ATRNL1: variants seen among roughly 807,000 people sequenced by gnomAD.
ATRNL1 encodes attractin like 1, also known as attractin-like protein 1.
Under a neutral mutation model 182.7 loss-of-function variants are expected in ATRNL1, and 95 were observed. The observed-to-expected ratio is 0.52, with a 90% CI of 0.44 to 0.62. The LOEUF (loss-of-function observed/expected upper bound fraction) is 0.62, where lower values mean the gene tolerates loss of function less well. Among genes scored for constraint, ATRNL1 ranks in the 20% least tolerant of loss-of-function variants. The pLI is 0.00. For synonymous variants in ATRNL1, 576 were observed against 568.3 expected (o/e 1.01, Z -0.19); for missense variants, 1,471 against 1,679.5 (o/e 0.88, Z 2.17).
At chr10:115,128,996 A>ACAAT (rs1263690628) in intron 4 of ATRNL1, among the ~76,000 whole-genome samples, 3 of 152,174 alleles carry the variant, frequency 2.0e-5, no homozygotes, top group African/African-American at 7.2e-5. Context: ...TGTAAAATAT[A>ACAAT]CAATCAAAAC....
At chr10:115,587,948 GA>G (rs1332834530) in intron 26 of ATRNL1, among the ~76,000 whole-genome samples, 2 of 151,750 alleles carry the variant, frequency 1.3e-5, no homozygotes, top group Non-Finnish European at 2.9e-5. Flanking sequence ...CAAATTAAAT[GA>G]AAAAAAGGAG....
intron 20 of ATRNL1, among the ~76,000 whole-genome samples, chr10:115,420,868 C>T (rs569818070): frequency 2.0e-3 from 299 of 152,042 alleles, no homozygotes; most frequent in African/African-American, 6.8e-3. Flanking sequence ...AAGGAGACAT[C>T]GCAACTGATA....
At chr10:115,519,076 C>T (rs1169287667) in intron 24 of ATRNL1, among the ~76,000 whole-genome samples, 187 bp from the exon 25 acceptor site, 1 of 151,804 alleles carries the variant, frequency 6.6e-6, no homozygotes, top group African/African-American at 2.4e-5. Flanking sequence ...ACACTATGAC[C>T]ATCATTAGCA....
intron 1 of ATRNL1, among the ~76,000 whole-genome samples, chr10:115,111,485 A>G (rs1844254228): frequency 6.6e-6 from 1 of 152,202 alleles, no homozygotes; most frequent in African/African-American, 2.4e-5. Flanking sequence ...GCGTCTACTC[A>G]TGGCAGAAGG....
chr10:115,484,548 A>G (rs1432647372), intron 24 of ATRNL1, among the ~76,000 whole-genome samples: 4 of 151,632 alleles, frequency 2.6e-5, no homozygotes, highest in Admixed American at 2.0e-4. Context: ...TACAATTTTT[A>G]AGGGTCATCT....
intron 21 of ATRNL1, among the ~76,000 whole-genome samples, chr10:115,453,484 T>G (rs2134495164): frequency 6.6e-6 from 1 of 152,248 alleles, no homozygotes; most frequent in Admixed American, 6.6e-5. Flanking sequence ...CCATTTTCTT[T>G]TGTTGATTGT....
intron 27 of ATRNL1, among the ~76,000 whole-genome samples, chr10:115,738,131 T>TTTTTGTTTTTTTTG (rs1948019014): frequency 2.3e-5 from 1 of 44,126 alleles, no homozygotes; most frequent in African/African-American, 7.7e-5. Context: ...TAATGATTTT[T>TTTTTGTTTTTTTTG]TTTTTTTTTT....
At chr10:115,538,477 T>A (rs1192609168) in intron 25 of ATRNL1, among the ~76,000 whole-genome samples, 1 of 152,234 alleles carries the variant, frequency 6.6e-6, no homozygotes. Flanking sequence ...ATGTGCTTAT[T>A]AGTTATACTT....
intron 26 of ATRNL1, among the ~76,000 whole-genome samples, chr10:115,646,923 C>A (rs533662448): frequency 1.2e-3 from 183 of 149,418 alleles, no homozygotes; most frequent in African/African-American, 4.2e-3. Flanking sequence ...AGGTATATCT[C>A]CTAATGCTAG....
chr10:115,252,540 G>A (rs1435679380), intron 10 of ATRNL1, among the ~76,000 whole-genome samples: 8 of 152,196 alleles, frequency 5.3e-5, no homozygotes, highest in Non-Finnish European at 8.8e-5. Context: ...TGTCTTTTAG[G>A]AAGGTAGGAT....
At chr10:115,738,856 G>T (rs2804172) in intron 27 of ATRNL1, among the ~76,000 whole-genome samples, 144,605 of 152,160 alleles carry the variant, frequency 0.95, 69,123 homozygotes, top group East Asian at 1. Context: ...TTTGTTTACA[G>T]TTTAAATAAA....
intron 24 of ATRNL1, among the ~76,000 whole-genome samples, chr10:115,507,502 G>A (rs527849611): frequency 6.6e-6 from 1 of 152,066 alleles, no homozygotes; most frequent in Non-Finnish European, 1.5e-5. Context: ...GTGACTAATT[G>A]TTGTTAGGAA....
At chr10:115,799,957 G>T (rs547517741) in intron 27 of ATRNL1, among the ~76,000 whole-genome samples, 2 of 151,902 alleles carry the variant, frequency 1.3e-5, no homozygotes, top group Non-Finnish European at 2.9e-5. Flanking sequence ...ATGGTGGCTC[G>T]CACCTATAAT....
chr10:115,917,703 T>C (rs1952915164), intron 28 of ATRNL1, among the ~76,000 whole-genome samples: 1 of 152,184 alleles, frequency 6.6e-6, no homozygotes, highest in South Asian at 2.1e-4. Flanking sequence ...TGTTTACTTT[T>C]CTCAGATATT....
At chr10:115,723,519 A>G (rs1353510184) in intron 26 of ATRNL1, among the ~76,000 whole-genome samples, 2 of 121,374 alleles carry the variant, frequency 1.6e-5, no homozygotes, top group African/African-American at 5.6e-5. Flanking sequence ...TTAAGCGTAG[A>G]TATTCTTTTC....
intron 19 of ATRNL1, among the ~76,000 whole-genome samples, chr10:115,368,716 AT>A (rs557325461): frequency 0.03 from 4,096 of 137,938 alleles, 116 homozygotes; most frequent in African/African-American, 0.081. Context: ...ATTCGATTCT[AT>A]TTTTTTTTTT....
At chr10:115,666,975 A>G (rs1172762504) in intron 26 of ATRNL1, among the ~76,000 whole-genome samples, 1 of 152,166 alleles carries the variant, frequency 6.6e-6, no homozygotes, top group African/African-American at 2.4e-5. Context: ...ATTTTGAGCA[A>G]TATCTCAAAT....
At chr10:115,666,878 C>A (rs915890596) in intron 26 of ATRNL1, among the ~76,000 whole-genome samples, 2 of 151,312 alleles carry the variant, frequency 1.3e-5, no homozygotes, top group African/African-American at 4.9e-5. Flanking sequence ...ATACTTAAAT[C>A]CACTTTTAAA....
chr10:115,225,601 A>C (rs1185880165), intron 9 of ATRNL1, among the ~76,000 whole-genome samples: 1 of 150,658 alleles, frequency 6.6e-6, no homozygotes, highest in Non-Finnish European at 1.5e-5. Flanking sequence ...CTGATAATTT[A>C]AAAATAATAT....
Sources: gnomAD v4.1 joint callset for allele counts (sites outside exome capture counted in the v4.1 genomes callset) on GRCh38, gnomAD v4.1.1 for gene constraint, MANE v1.5 for transcripts, NCBI Gene and HGNC (gene_info 2026-07-23, HGNC 2026-07-21) for gene names.